The following URI1 variants were observed in gnomAD, a reference collection of about 807,000 sequenced individuals.
The protein encoded by URI1 is unconventional prefoldin RPB5 interactor 1.
URI1 carries 39 observed loss-of-function variants against 60.2 expected under a neutral mutation model. That is an observed-to-expected ratio of 0.65 (90% confidence interval 0.50 to 0.85). The LOEUF (loss-of-function observed/expected upper bound fraction) is 0.85. URI1 is among the 40% of genes least tolerant of loss of function. URI1 has a pLI of 0.00. For synonymous variants in URI1, 251 were observed against 236.8 expected (o/e 1.06, Z -0.55); for missense variants, 691 against 665.9 (o/e 1.04, Z -0.42).
At chr19:29,956,822 C>T (rs530737671) in intron 1 of URI1, 27 of 1,591,508 alleles carry the variant, frequency 1.7e-5, no homozygotes, top group East Asian at 1.1e-4. Context: ...TTTGTCAACC[C>T]GGAGCCTCTT....
At chr19:29,978,926 A>G (rs915374026) in intron 2 of URI1, among the ~76,000 whole-genome samples, 4 of 152,192 alleles carry the variant, frequency 2.6e-5, no homozygotes, top group Admixed American at 6.5e-5. Context: ...ACCCGGAGGT[A>G]TCTATGATTG....
rs1297894921 is a variant in URI1 at position 30,015,963 on chromosome 19, A to G, written c.*894A>G. Reference sequence around the variant, plus strand: ...TTAAGGCTACTTTCCTACTAACTGAAATAACACATTTACTTTTACCACAAT... The same window carrying G: ...TTAAGGCTACTTTCCTACTAACTGAGATAACACATTTACTTTTACCACAAT... On this transcript the variant is annotated 3_prime_UTR_variant, in exon 11 of 11. Transcript: ENST00000392271. 6.0e-6 allele frequency: 1 copy of G among 167,268 alleles called. No individual in the cohort carries two copies. The highest frequency in any genetic ancestry group is 6.3e-5 in the Admixed American group (1 of 15,778). The allele number at this position is 167,268 out of a possible 1,614,324, so 10.4% of individuals were successfully genotyped here.
rs764946990 is a variant in URI1 at position 29,961,247 on chromosome 19, CTTTTT to C, written c.118-9931_118-9927del. 3.5e-4 allele frequency among the ~76,000 whole-genome samples: 45 copies of C among 128,720 alleles called. No homozygotes were observed. In the South Asian group the frequency reaches 0.011, roughly 32 times the overall value. The allele number at this position is 128,720 out of a possible 152,430, so 84.4% of individuals were successfully genotyped here. On this transcript the variant is annotated intron_variant, in intron 1 of 10. Transcript: ENST00000392271. ...CCGTAATTACCATCCATCTCCAGGC[CTTTTT>C]TTTTTTTTTTTTTTAAATCTTGCAA...
intron 1 of URI1, among the ~76,000 whole-genome samples, chr19:29,931,354 T>C (rs547046318): frequency 6.6e-6 from 1 of 152,226 alleles, no homozygotes. Context: ...CAGTTTCTCA[T>C]GAAGTTTCTC....
intron 1 of URI1, chr19:29,925,415 C>T (rs996619846): frequency 1.3e-5 from 2 of 152,222 alleles, no homozygotes; most frequent in African/African-American, 2.4e-5. Context: ...GTGTGAGGTC[C>T]GCCCCTGCAC....
intron 4 of URI1, among the ~76,000 whole-genome samples, chr19:29,999,637 G>A (rs1245997009): frequency 1.3e-5 from 2 of 151,932 alleles, no homozygotes; most frequent in East Asian, 1.9e-4. Flanking sequence ...TTTGATTATA[G>A]TGTGTCTTGG....
At chr19:29,936,666 G>T (rs1208622086) in intron 1 of URI1, among the ~76,000 whole-genome samples, 1 of 152,088 alleles carries the variant, frequency 6.6e-6, no homozygotes, top group Non-Finnish European at 1.5e-5. Flanking sequence ...GTCCCTTCCT[G>T]TTCCTCTTCT....
intron 1 of URI1, 47 bp from the exon 2 acceptor site, chr19:29,971,146 G>A (rs760355059): frequency 6.3e-6 from 10 of 1,593,710 alleles, no homozygotes; most frequent in Middle Eastern, 1.7e-4. Context: ...TTGTAGCTCT[G>A]TGCATAGCTC....
In URI1 at chr19:29,961,677, T is replaced by G. The variant is rs1318320748; in HGVS notation, c.118-9516T>G. Among the ~76,000 whole-genome samples, 17 of 2,394 alleles carry G rather than the reference T, an allele frequency of 7.1e-3. No homozygotes were observed. The South Asian group carries it at 0.087, about 12-fold the overall frequency. The allele number at this position is 2,394 out of a possible 152,430, so 1.6% of individuals were successfully genotyped here. ...CTGCTTTTGATTCTTTTTTTTTTGT[T>G]TTTTTTTTTTTTTGTTGTTTGTTTT... is the stretch of plus-strand genomic sequence containing the variant. On this transcript the variant is annotated intron_variant, in intron 1 of 10. Coordinates refer to ENST00000392271, the MANE Select transcript of URI1 (RefSeq NM_003796.3).
intron 1 of URI1, among the ~76,000 whole-genome samples, chr19:29,928,885 G>A (rs1353538601): frequency 1.3e-5 from 2 of 152,064 alleles, no homozygotes; most frequent in African/African-American, 4.8e-5. Context: ...ACTCATTTAG[G>A]GACATTTGCA....
intron 1 of URI1, chr19:29,956,328 C>CTTTT: frequency 2.5e-6 from 1 of 394,050 alleles, no homozygotes; most frequent in Non-Finnish European, 4.3e-6. Flanking sequence ...ATCAATAGGT[C>CTTTT]TTTTATTGCA....
In URI1 at chr19:29,985,276, C is replaced by T; in HGVS notation, c.206C>T (p.Pro69Leu). 6.2e-7 allele frequency: 1 copy of T among 1,610,214 alleles called. No homozygotes were observed. The highest frequency in any genetic ancestry group is 8.5e-7 in the Non-Finnish European group (1 of 1,178,028). Residue 69 changes from proline (P) to leucine (L), a missense_variant, in exon 3 of 11, where the codon CCT (proline) becomes CTT (leucine). Physicochemically the swap from Pro to Leu is moderately conservative, Grantham distance 98 (BLOSUM62 -3). Transcript: ENST00000392271. Reference sequence around the variant, plus strand: ...CTTCGAGAAAGACTCAGCACCTTGCCTGATAAATTGTCTTATAATATAATG... The same window carrying T: ...CTTCGAGAAAGACTCAGCACCTTGCTTGATAAATTGTCTTATAATATAATG... Reference protein sequence around the residue: ...NALRERLSTLPDKLSYNIMVP... With the variant: ...NALRERLSTLLDKLSYNIMVP...
At chr19:29,939,419 T>C (rs976117497), upstream of URI1, among the ~76,000 whole-genome samples, 3 of 151,874 alleles carry the variant, frequency 2.0e-5, no homozygotes, top group African/African-American at 2.4e-5. Context: ...GGATTACAGG[T>C]GTGTGCCACC....
At chr19:29,956,671 T>C in intron 1 of URI1, 3 of 1,540,304 alleles carry the variant, frequency 1.9e-6, no homozygotes, top group Non-Finnish European at 2.7e-6. Context: ...AGACCCATTC[T>C]GGATAACGAC....
At position 30,015,847 on chromosome 19, in the gene URI1, A is replaced by AT; in HGVS notation, c.*780dup. 1 of 355,434 alleles carries AT rather than the reference A, an allele frequency of 2.8e-6. No homozygotes were observed. Among genetic ancestry groups the AT allele is most frequent in the Admixed American group, 4.6e-5 (1 of 21,892 alleles). 22.0% of individuals were successfully genotyped at this position (355,434 alleles called of 1,614,324 possible). On this transcript the variant is annotated 3_prime_UTR_variant, in exon 11 of 11. Coordinates refer to ENST00000392271, the MANE Select transcript of URI1 (RefSeq NM_003796.3). Reference sequence around the variant, plus strand: ...CCTTAGTTTTTGCAGTTTCACTGGGATTATGTTTTGGGAAACAAGGAAAGG... The same window carrying AT: ...CCTTAGTTTTTGCAGTTTCACTGGGATTTATGTTTTGGGAAACAAGGAAAGG...
chr19:29,958,919 C>T (rs1244529012), intron 1 of URI1, among the ~76,000 whole-genome samples: 1 of 150,956 alleles, frequency 6.6e-6, no homozygotes, highest in African/African-American at 2.4e-5. Context: ...GAGATCACGC[C>T]ACTGCACTCC....
chr19:29,942,267 G>C lies in URI1; in HGVS notation c.-281G>C, dbSNP rs1259684443. 3.0e-6 allele frequency: 3 copies of C among 984,630 alleles called. No homozygotes were observed. The highest frequency in any genetic ancestry group is 1.2e-4 in the Admixed American group (2 of 16,182). 61.0% of individuals were successfully genotyped at this position (984,630 alleles called of 1,614,324 possible). ...TGGGGAGGCGCGGCCGCCACGCGACGCCTGGCTGGGCCCGCACCGGAGAGG... is the reference window on the plus strand; with the variant it reads ...TGGGGAGGCGCGGCCGCCACGCGACCCCTGGCTGGGCCCGCACCGGAGAGG... On this transcript the variant is annotated 5_prime_UTR_variant, in exon 1 of 11. Transcript: ENST00000392271.
intron 2 of URI1, among the ~76,000 whole-genome samples, chr19:29,981,954 C>G (rs1249173025): frequency 2.0e-5 from 3 of 152,106 alleles, no homozygotes; most frequent in Non-Finnish European, 4.4e-5. Context: ...CTTAGCATAA[C>G]TTTTGCATTT....
At chr19:29,930,283 C>A (rs968956666) in intron 1 of URI1, among the ~76,000 whole-genome samples, 2 of 152,052 alleles carry the variant, frequency 1.3e-5, no homozygotes, top group African/African-American at 4.8e-5. Flanking sequence ...TTGATGACAT[C>A]CAATTTACAG....
Sources: gnomAD v4.1 joint callset for allele counts (sites outside exome capture counted in the v4.1 genomes callset) on GRCh38, gnomAD v4.1.1 for gene constraint, MANE v1.5 for transcripts, NCBI Gene and HGNC (gene_info 2026-07-23, HGNC 2026-07-21) for gene names.